The following ZNF551 variants were observed in gnomAD, a reference collection of about 807,000 sequenced individuals.
The protein encoded by ZNF551 is zinc finger protein 551.
A neutral mutation model predicts 7.9 loss-of-function variants in ZNF551; 5 were observed. That is an observed-to-expected ratio of 0.63 (90% CI 0.33 to 1.33). The LOEUF (loss-of-function observed/expected upper bound fraction) is 1.33, where lower values mean the gene tolerates loss of function less well. Among genes scored for constraint, ZNF551 ranks in the 40% most tolerant of loss-of-function variants. ZNF551 has a pLI of 0.05. For synonymous variants in ZNF551, 287 were observed against 277.3 expected, an observed-to-expected ratio of 1.03 and a Z score of -0.35; for missense variants, 788 against 825.2, an observed-to-expected ratio of 0.95 and a Z score of 0.55.
Position 57,682,191 on chromosome 19 carries a change from C to T in ZNF551, c.28C>T (p.Pro10Ser), listed in dbSNP as rs746067016. 72 of 1,549,890 alleles carry T rather than the reference C, an allele frequency of 4.6e-5. No individual in the cohort carries two copies. The highest frequency in any genetic ancestry group is 5.9e-5 in the Non-Finnish European group (68 of 1,146,876). Residue 10 changes from proline (P) to serine (S), a missense_variant, in exon 1 of 3, where the codon CCG becomes TCG. By Grantham distance (74) the Pro-to-Ser change is moderately conservative. Transcript: ENST00000282296. MPAPVGRRS[P>S]PSPRSSMAAV... is the part of the protein sequence containing the mutation. ...GCCCGCCCCGGTCGGCCGCCGCTCC[C>T]CGCCTAGTCCACGGAGCTCAATGGC... is the stretch of plus-strand genomic sequence containing the variant.
intron 1 of ZNF551, among the ~76,000 whole-genome samples, chr19:57,684,264 T>A (rs896041385): frequency 5.3e-5 from 8 of 152,156 alleles, no homozygotes; most frequent in African/African-American, 1.9e-4. Flanking sequence ...CTGGGCCCCA[T>A]ATGCTGAGTA....
At chr19:57,682,570 G>T (rs1035052166) in intron 1 of ZNF551, among the ~76,000 whole-genome samples, 3 of 152,248 alleles carry the variant, frequency 2.0e-5, no homozygotes, top group African/African-American at 7.2e-5. Flanking sequence ...TTCGAGATTT[G>T]TGAACAGATA....
In ZNF551 at chr19:57,682,021, C is replaced by G. The variant is rs369604511; in HGVS notation, c.-143C>G. 27 of 865,078 alleles carry G rather than the reference C, an allele frequency of 3.1e-5. No individual in the cohort carries two copies. The African/African-American group carries it at 3.7e-4, about 12-fold the overall frequency. 53.6% of individuals were successfully genotyped at this position (865,078 alleles called of 1,614,324 possible). A position where few individuals can be genotyped will look rare whatever the true frequency, so the allele number is the denominator to read the frequency against. On this transcript the variant is annotated 5_prime_UTR_variant, in exon 1 of 3. Coordinates refer to ENST00000282296, the MANE Select transcript of ZNF551 (RefSeq NM_138347.5). Reference sequence around the variant, plus strand: ...TCGTGGCGGTCATTTTGGCCTCTGTCCTGTTTGTCCAGCCCGCCAGTTTCT... The same window carrying G: ...TCGTGGCGGTCATTTTGGCCTCTGTGCTGTTTGTCCAGCCCGCCAGTTTCT...
At chr19:57,682,281 C>G (rs1314918348) in intron 1 of ZNF551, 37 bp downstream of exon 1, 2 of 1,544,042 alleles carry the variant, frequency 1.3e-6, no homozygotes, top group Non-Finnish European at 1.8e-6. Flanking sequence ...CCTACCTCCC[C>G]CAGCAGAAGC....
Position 57,685,293 on chromosome 19 carries a change from TCTCCCAAGAAGAGTGGGAG to T in ZNF551, c.118_136del (p.Gln40LeufsTer12), listed in dbSNP as rs773241367. 1.7e-5 allele frequency: 28 copies of T among 1,613,986 alleles called. No individual in the cohort carries two copies. The highest frequency in any genetic ancestry group is 2.3e-5 in the Non-Finnish European group (27 of 1,179,986). On this transcript the variant is annotated frameshift_variant, in exon 2 of 3. Transcript: ENST00000282296. LOFTEE classifies it high-confidence loss of function. ...ACCTTTGAGGATGTGGCCATTTATTTCTCCCAAGAAGAGTGGGAGCTCCTTGATGAGTCTCAGAGGTTCC... is the reference window on the plus strand; with the variant it reads ...ACCTTTGAGGATGTGGCCATTTATTTCTCCTTGATGAGTCTCAGAGGTTCC...
rs1376657035 is a variant in ZNF551 at position 57,687,298 on chromosome 19, G to A, written c.1023G>A (p.Arg341=). ...GGVRHECGEC[R]KTFSYKSNLI... is the part of the protein sequence containing the mutation. ...TGCGTCATGAGTGTGGTGAATGTAG[G>A]AAAACCTTTAGCTACAAATCTAACC... The change falls in exon 3 of 3, where the codon AGG becomes AGA. Residue 341 remains arginine, a synonymous_variant. Coordinates refer to ENST00000282296, the MANE Select transcript of ZNF551 (RefSeq NM_138347.5). The A allele has an allele frequency of 6.2e-7, 1 of 1,614,222 alleles. No homozygotes were observed. The highest frequency in any genetic ancestry group is 1.7e-5 in the Admixed American group (1 of 60,022).
At position 57,689,588 on chromosome 19, in the gene ZNF551, C is replaced by T; in HGVS notation, c.*1300C>T. 4 of 152,338 alleles carry T rather than the reference C, an allele frequency of 2.6e-5. No individual in the cohort carries two copies. Among genetic ancestry groups the T allele is most frequent in the East Asian group, 1.9e-4 (1 of 5,190 alleles). 9.4% of individuals were successfully genotyped at this position (152,338 alleles called of 1,614,324 possible). A position where few individuals can be genotyped will look rare whatever the true frequency, so the allele number is the denominator to read the frequency against. On this transcript the variant is annotated 3_prime_UTR_variant, in exon 3 of 3. Transcript: ENST00000282296. ...CCAAGGCGGGCGGATTGCCTGAGCT[C>T]AGGAGTTCAAGACCAGCCTGGGCAA...
intron 2 of ZNF551, among the ~76,000 whole-genome samples, chr19:57,686,250 C>A (rs1314452895): frequency 2.0e-5 from 3 of 152,154 alleles, no homozygotes; most frequent in Non-Finnish European, 4.4e-5. Context: ...GAGTTGGAGA[C>A]CCTCCTTCTC....
At position 57,689,785 on chromosome 19, in the gene ZNF551, T is replaced by C; in HGVS notation, c.*1497T>C. The C allele has an allele frequency of 6.6e-6, 1 of 151,578 alleles. No homozygotes were observed. The highest frequency in any genetic ancestry group is 1.5e-5 in the Non-Finnish European group (1 of 68,254). 9.4% of individuals were successfully genotyped at this position (151,578 alleles called of 1,614,324 possible). On this transcript the variant is annotated 3_prime_UTR_variant, in exon 3 of 3. Transcript: ENST00000282296. Reference sequence around the variant, plus strand: ...CTGCACTCCAGCCCAGGCAACAGAGTGAGACTCCGTCTCCAAAAAAAAAAA... The same window carrying C: ...CTGCACTCCAGCCCAGGCAACAGAGCGAGACTCCGTCTCCAAAAAAAAAAA...
rs187458300 is a variant in ZNF551 at position 57,688,511 on chromosome 19, A to G, written c.*223A>G. 9.7e-6 allele frequency: 6 copies of G among 615,618 alleles called. No homozygotes were observed. The highest frequency in any genetic ancestry group is 9.1e-5 in the Admixed American group (3 of 33,088). 38.1% of individuals were successfully genotyped at this position (615,618 alleles called of 1,614,324 possible). The stretch of plus-strand genomic sequence containing the variant: ...ATTTCTGAGGCTGAAGCCATTTCAC[A>G]TTTCACCCCTACCACCTGGCAGGTG... On this transcript the variant is annotated 3_prime_UTR_variant, in exon 3 of 3. Coordinates refer to ENST00000282296, the MANE Select transcript of ZNF551 (RefSeq NM_138347.5).
At chr19:57,682,286 A>G (rs1377164489) in intron 1 of ZNF551, 42 bp downstream of exon 1, 2 of 1,540,794 alleles carry the variant, frequency 1.3e-6, no homozygotes, top group African/African-American at 2.7e-5. Flanking sequence ...CTCCCCCAGC[A>G]GAAGCCTTAA....
rs781149193 is a variant in ZNF551, at chr19:57,686,502, A to T, written c.227A>T (p.Asn76Ile). Residue 76 changes from asparagine to isoleucine, a missense_variant, in exon 3 of 3, where the codon AAT (asparagine) becomes ATT (isoleucine). Transcript: ENST00000282296. Reference protein sequence around the residue: ...TSLGYCHGMENEAIASEQSVS... With the variant: ...TSLGYCHGMEIEAIASEQSVS... ...TCAGGTTATTGCCATGGAATGGAGA[A>T]TGAGGCGATAGCTTCTGAGCAGAGT... 1 of 1,606,042 alleles carries T rather than the reference A, an allele frequency of 6.2e-7. No individual in the cohort carries two copies. Among genetic ancestry groups the T allele is most frequent in the East Asian group, 2.2e-5 (1 of 44,674 alleles).
Position 57,686,811 on chromosome 19 carries a change from A to G in ZNF551, c.536A>G (p.Asn179Ser). 6.2e-7 allele frequency: 1 copy of G among 1,614,200 alleles called. No homozygotes were observed. Among genetic ancestry groups the G allele is most frequent in the African/African-American group, 1.3e-5 (1 of 75,044 alleles). The stretch of plus-strand genomic sequence containing the variant: ...ACCGGCTGCAGATTCCATGTGTTGA[A>G]TTATTTCACCTGTGGGGAGGCCTTC... ...FVTGCRFHVLNYFTCGEAFPA... is the reference protein window; with the variant it reads ...FVTGCRFHVLSYFTCGEAFPA... The change falls in exon 3 of 3, where the codon AAT (asparagine) becomes AGT (serine). Residue 179 changes from asparagine (N) to serine (S), a missense_variant. Physicochemically the swap from Asn to Ser is conservative, Grantham distance 46 (BLOSUM62 1). Transcript: ENST00000282296.
Position 57,687,730 on chromosome 19 carries a change from C to G in ZNF551, c.1455C>G (p.Ser485Arg). 6.2e-7 allele frequency: 1 copy of G among 1,613,872 alleles called. No homozygotes were observed. The highest frequency in any genetic ancestry group is 1.1e-5 in the South Asian group (1 of 91,064). Residue 485 changes from serine (S) to arginine (R), a missense_variant, in exon 3 of 3, where the codon AGC becomes AGG. Coordinates refer to ENST00000282296, the MANE Select transcript of ZNF551 (RefSeq NM_138347.5). Reference protein sequence around the residue: ...YECSECEKSFSRKFILIQHQR... With the variant: ...YECSECEKSFRRKFILIQHQR... ...GCAGTGAATGTGAGAAATCCTTTAGCCGCAAATTTATCCTGATTCAACACC... is the reference window on the plus strand; with the variant it reads ...GCAGTGAATGTGAGAAATCCTTTAGGCGCAAATTTATCCTGATTCAACACC...
chr19:57,686,236 G>C (rs946164685), intron 2 of ZNF551, among the ~76,000 whole-genome samples: 1 of 152,190 alleles, frequency 6.6e-6, no homozygotes, highest in South Asian at 2.1e-4. Context: ...CTTTGGCAGA[G>C]AGTGAGTTGG....
chr19:57,684,344 CTG>C (rs1368042714), intron 1 of ZNF551, among the ~76,000 whole-genome samples: 1 of 152,204 alleles, frequency 6.6e-6, no homozygotes, highest in Admixed American at 6.5e-5. Context: ...GGGAGTGACA[CTG>C]TGAGAGAAGT....
chr19:57,686,750 C>T lies in ZNF551; in HGVS notation c.475C>T (p.Pro159Ser). The T allele has an allele frequency of 6.2e-7, 1 of 1,614,136 alleles. No homozygotes were observed. Among genetic ancestry groups the T allele is most frequent in the Non-Finnish European group, 8.5e-7 (1 of 1,180,036 alleles). Residue 159 changes from proline (P) to serine (S), a missense_variant, in exon 3 of 3, where the codon CCC becomes TCC. Transcript: ENST00000282296. ...TCAAAAGCATTACAATGAAGAAGAG[C>T]CCTGGAAAAGGAAGGTGGATGAGGC... The part of the protein sequence containing the change: ...QHQKHYNEEE[P>S]WKRKVDEATF...
At chr19:57,682,472 G>A (rs1003997196) in intron 1 of ZNF551, among the ~76,000 whole-genome samples, 1 of 152,334 alleles carries the variant, frequency 6.6e-6, no homozygotes, top group African/African-American at 2.4e-5. Context: ...GGATTCAGGA[G>A]CCTGGGGTCC....
chr19:57,690,393 AC>A lies in ZNF551; in HGVS notation c.*2106del, dbSNP rs1984724245. On this transcript the variant is annotated 3_prime_UTR_variant, in exon 3 of 3. Transcript: ENST00000282296. ...TACATACACACACACACACACACAC[AC>A]ACACACACGTATACGCATATACGTA... 5 of 151,120 alleles carry A rather than the reference AC, an allele frequency of 3.3e-5. No individual in the cohort carries two copies. The highest frequency in any genetic ancestry group is 7.4e-5 in the Non-Finnish European group (5 of 67,954). 9.4% of individuals were successfully genotyped at this position (151,120 alleles called of 1,614,324 possible). A position where few individuals can be genotyped will look rare whatever the true frequency, so the allele number is the denominator to read the frequency against.
Sources: allele counts gnomAD v4.1 joint callset (sites outside exome capture counted in the v4.1 genomes callset), GRCh38; gene constraint gnomAD v4.1.1; transcripts MANE v1.5; gene names NCBI Gene and HGNC (gene_info 2026-07-23, HGNC 2026-07-21).